PCDHGB1: variants seen among roughly 807,000 people sequenced by gnomAD.
PCDHGB1 encodes the protein protocadherin gamma-B1.
Under a neutral mutation model 56.6 loss-of-function variants are expected in PCDHGB1, and 34 were observed. The observed-to-expected ratio is 0.60, with a 90% CI of 0.46 to 0.80. The LOEUF is 0.80. Ranked by LOEUF, PCDHGB1 falls within the 30% of genes least tolerant of loss-of-function variation. The pLI, the probability that PCDHGB1 is intolerant of heterozygous loss-of-function variation, is 0.00. For synonymous variants in PCDHGB1, 561 were observed against 505.9 expected (o/e 1.11, Z -1.46); for missense variants, 1,278 against 1,204.6 (o/e 1.06, Z -0.90).
chr5:141,362,662 T>G, intron 1 of PCDHGB1: 39 of 1,290,572 alleles, frequency 3.0e-5, no homozygotes, highest in Non-Finnish European at 3.8e-5. Context: ...ATTTGGCCAA[T>G]GTTGTGCCTT....
In PCDHGB1 at chr5:141,413,117, C is replaced by G. The variant is rs902301902; in HGVS notation, c.2409+60448C>G. 1.9e-5 allele frequency: 29 copies of G among 1,509,004 alleles called. No homozygotes were observed. In the African/African-American group the frequency reaches 4.1e-4, roughly 21 times the overall value. The allele number at this position is 1,509,004 out of a possible 1,614,324, so 93.5% of individuals were successfully genotyped here. ...TGAAGCCACAGAAAGACAAAGGAAC[C>G]GGTTGAAACACACAACGTGTCCAGT... On this transcript the variant is annotated intron_variant, in intron 1 of 3. Transcript: ENST00000523390.
intron 1 of PCDHGB1, chr5:141,361,463 C>T: frequency 6.2e-7 from 1 of 1,614,070 alleles, no homozygotes; most frequent in South Asian, 1.1e-5. Context: ...CTGCACATCT[C>T]CGACGTCAAC....
chr5:141,485,661 G>A lies in PCDHGB1; in HGVS notation c.2410-9146G>A. On this transcript the variant is annotated intron_variant, in intron 1 of 3. Transcript: ENST00000523390. This position sits in a 1 kb window ranked among gnomAD's most constrained non-coding sequence, Gnocchi z 5.7. ...GAAAAGGCTCAGGATGCAGATGTGGGGAGCAATTCGATTAGCAGCTATAGG... is the reference window on the plus strand; with the variant it reads ...GAAAAGGCTCAGGATGCAGATGTGGAGAGCAATTCGATTAGCAGCTATAGG... 2 of 1,612,678 alleles carry A rather than the reference G, an allele frequency of 1.2e-6. No individual in the cohort carries two copies. Among genetic ancestry groups the A allele is most frequent in the Non-Finnish European group, 1.7e-6 (2 of 1,178,884 alleles).
intron 1 of PCDHGB1, chr5:141,389,141 C>A: frequency 1.2e-6 from 2 of 1,613,998 alleles, no homozygotes; most frequent in Non-Finnish European, 8.5e-7. Flanking sequence ...ACAATATAAC[C>A]GTTACGGCAA....
chr5:141,382,463 A>T (rs1010194037), intron 1 of PCDHGB1, among the ~76,000 whole-genome samples: 1 of 152,216 alleles, frequency 6.6e-6, no homozygotes, highest in African/African-American at 2.4e-5. Context: ...GCAGTTTTTT[A>T]AAAATTATCT....
intron 1 of PCDHGB1, chr5:141,367,040 T>C: frequency 2.8e-6 from 1 of 353,316 alleles, no homozygotes; most frequent in Non-Finnish European, 5.1e-6. Flanking sequence ...TGCAGTTCTA[T>C]TAATAGAAAA....
chr5:141,413,881 G>C (rs774026375), intron 1 of PCDHGB1: 5 of 1,613,400 alleles, frequency 3.1e-6, no homozygotes, highest in Non-Finnish European at 4.2e-6. Context: ...CAGTGTGACT[G>C]TCTTCGATGC....
At chr5:141,422,886 G>A in intron 1 of PCDHGB1, 1 of 1,614,260 alleles carries the variant, frequency 6.2e-7, no homozygotes, top group Non-Finnish European at 8.5e-7. Flanking sequence ...GCCTGTTCGT[G>A]CTGGACCAGA....
chr5:141,426,865 T>G (rs2096965950), intron 1 of PCDHGB1: 1 of 456,600 alleles, frequency 2.2e-6, no homozygotes, highest in African/African-American at 2.0e-5. Flanking sequence ...GAATTAGTGC[T>G]GGAGAAGCCC....
chr5:141,355,664 C>T (rs1282736440), intron 1 of PCDHGB1: 2 of 1,613,972 alleles, frequency 1.2e-6, no homozygotes, highest in Admixed American at 3.3e-5. Flanking sequence ...TTTCCTCTTC[C>T]TGAAGCTTTT....
chr5:141,387,923 G>T lies in PCDHGB1; in HGVS notation c.2409+35254G>T, dbSNP rs2091157364. The T allele has an allele frequency of 2.7e-6, 4 of 1,475,394 alleles. No individual in the cohort carries two copies. In the Admixed American group the frequency reaches 1.1e-4, roughly 39 times the overall value. 91.4% of individuals were successfully genotyped at this position (1,475,394 alleles called of 1,614,324 possible). On this transcript the variant is annotated intron_variant, in intron 1 of 3. Coordinates refer to ENST00000523390, the MANE Select transcript of PCDHGB1 (RefSeq NM_018922.3). ...CCGGGGAGCTGGGCCGGGCTGAGAG[G>T]CTGCCAGTGCTCTTTCTCTTCCTGC...
At chr5:141,430,767 C>T in intron 1 of PCDHGB1, 1 of 1,506,782 alleles carries the variant, frequency 6.6e-7, no homozygotes, top group Non-Finnish European at 8.9e-7. Flanking sequence ...AGAATGATTC[C>T]TGCGCGACTG....
chr5:141,408,540 C>A (rs201370009), intron 1 of PCDHGB1: 1 of 1,614,046 alleles, frequency 6.2e-7, no homozygotes. Flanking sequence ...GTGGAAAATC[C>A]TTTAAATATT....
At position 141,493,774 on chromosome 5, in the gene PCDHGB1, C is replaced by T. The variant is rs2099749996; in HGVS notation, c.2410-1033C>T. On this transcript the variant is annotated intron_variant, in intron 1 of 3. Coordinates refer to ENST00000523390, the MANE Select transcript of PCDHGB1 (RefSeq NM_018922.3). The surrounding 1 kb of genome is among the most constrained non-coding windows in gnomAD (Gnocchi z 4.3). ...GCCTTGAGTGAGCCACTGGCAGTTC[C>T]GGAGCTTCCTTCTCCCTGGAGTAAT... Among the ~76,000 whole-genome samples, 1 of 152,258 alleles carries T rather than the reference C, an allele frequency of 6.6e-6. No homozygotes were observed. The highest frequency in any genetic ancestry group is 1.9e-4 in the East Asian group (1 of 5,176).
intron 1 of PCDHGB1, chr5:141,371,505 A>G: frequency 6.2e-7 from 1 of 1,613,908 alleles, no homozygotes; most frequent in Non-Finnish European, 8.5e-7. Flanking sequence ...CCTGATCAAA[A>G]CACATGATCT....
chr5:141,471,214 A>C (rs757487718), intron 1 of PCDHGB1: 2 of 149,606 alleles, frequency 1.3e-5, no homozygotes, highest in Non-Finnish European at 3.0e-5. Context: ...CATGCCTGGC[A>C]ATTTTTTTGT....
chr5:141,494,639 C>T, intron 1 of PCDHGB1, 168 bp from the exon 2 acceptor site: 1 of 901,070 alleles, frequency 1.1e-6, no homozygotes, highest in Non-Finnish European at 1.3e-6. Flanking sequence ...ACCTCTGAGA[C>T]CTGAGGTGTA....
chr5:141,366,931 G>GA, intron 1 of PCDHGB1: 2 of 939,892 alleles, frequency 2.1e-6, no homozygotes, highest in Non-Finnish European at 3.0e-6. Context: ...TCTGTTTTGG[G>GA]AAGTCTAGCT....
rs768938171 is a variant in PCDHGB1 at position 141,487,276 on chromosome 5, C to T, written c.2410-7531C>T. ...TGGCTGTGTCCCTAGTGGCAATTTG[C>T]TTTGTCTCCTTTGGCTCATTCGTGG... On this transcript the variant is annotated intron_variant, in intron 1 of 3. Transcript: ENST00000523390. The surrounding 1 kb of genome is among the most constrained non-coding windows in gnomAD (Gnocchi z 5.0). The T allele has an allele frequency of 2.5e-6, 4 of 1,614,158 alleles. No homozygotes were observed. The East Asian group carries it at 8.9e-5, about 36-fold the overall frequency.
Sources: allele counts gnomAD v4.1 joint callset (sites outside exome capture counted in the v4.1 genomes callset), GRCh38; gene constraint gnomAD v4.1.1; non-coding constraint Gnocchi (gnomAD v3.1); transcripts MANE v1.5; gene names NCBI Gene and HGNC (gene_info 2026-07-23, HGNC 2026-07-21).